UBE3B: variants seen among roughly 807,000 people sequenced by gnomAD.
UBE3B encodes ubiquitin-protein ligase E3B.
In UBE3B, 80 loss-of-function variants were observed where a neutral mutation model predicts 132.3. The ratio of observed to expected loss-of-function variants is 0.60; its 90% CI spans 0.50 to 0.73. UBE3B has a LOEUF of 0.73. UBE3B is among the 30% of genes least tolerant of loss of function. The probability of loss-of-function intolerance (pLI) is 0.00; values close to 1 mark genes in which losing one functional copy is unlikely to be tolerated. For missense variants in UBE3B, 1,196 were observed against 1,362.5 expected (o/e 0.88, Z 1.92); for synonymous variants, 487 against 520.4 (o/e 0.94, Z 0.87).
At chr12:109,510,296 C>T in intron 16 of UBE3B, 48 bp from the exon 17 acceptor site, 2 of 1,478,560 alleles carry the variant, frequency 1.4e-6, no homozygotes, top group Non-Finnish European at 9.3e-7. Context: ...TCCCCTTGCT[C>T]TCTGGCTCTG....
chr12:109,509,831 C>T (rs1279509693), intron 16 of UBE3B, 117 bp downstream of exon 16: 1 of 651,542 alleles, frequency 1.5e-6, no homozygotes, highest in Non-Finnish European at 2.6e-6. Context: ...AGAAGGTGCA[C>T]ATTTATTCCC....
chr12:109,483,925 A>G lies in UBE3B; in HGVS notation c.226A>G (p.Ile76Val). The G allele has an allele frequency of 5.6e-6, 9 of 1,614,048 alleles. No individual in the cohort carries two copies. Among genetic ancestry groups the G allele is most frequent in the Non-Finnish European group, 6.8e-6 (8 of 1,179,962 alleles). Residue 76 changes from isoleucine to valine, a missense_variant, in exon 4 of 28, where the codon ATT (isoleucine) becomes GTT (valine). Transcript: ENST00000342494. The stretch of plus-strand genomic sequence containing the variant: ...GTCCACTAAAAGAAGTGCACTTTGT[A>G]TTTTCAAGATTGCCAGGAAACTGCT... ...PESTKRSALC[I>V]FKIARKLLFL...
intron 17 of UBE3B, 66 bp downstream of exon 17, chr12:109,510,524 C>G (rs1393388371): frequency 1.7e-5 from 22 of 1,313,640 alleles, no homozygotes; most frequent in Non-Finnish European, 2.0e-5. Flanking sequence ...CCCGAGCACT[C>G]AGCTCTCATG....
intron 6 of UBE3B, among the ~76,000 whole-genome samples, chr12:109,487,684 A>G (rs2241215): frequency 0.57 from 86,732 of 152,136 alleles, 25,825 homozygotes; most frequent in African/African-American, 0.73. Context: ...TTTGAGGAGA[A>G]GCTCTTCTAT....
rs1249766192 is a variant in UBE3B, at chr12:109,492,654, G to A, written c.713+1527G>A. 2.0e-5 allele frequency: 3 copies of A among 150,984 alleles called. No individual in the cohort carries two copies. The East Asian group carries it at 5.8e-4, about 29-fold the overall frequency. 9.4% of individuals were successfully genotyped at this position (150,984 alleles called of 1,614,324 possible). A position where few individuals can be genotyped will look rare whatever the true frequency, so the allele number is the denominator to read the frequency against. ...GCTACTCAGGAGTCTGAGGTGGGAG[G>A]ATCACTGGAGCCAGGGAAGTCAAGG... On this transcript the variant is annotated intron_variant, in intron 9 of 27. Transcript: ENST00000342494.
In UBE3B at chr12:109,485,728, A is replaced by G. The variant is rs1376798691; in HGVS notation, c.283-284A>G. 2.6e-5 allele frequency among the ~76,000 whole-genome samples: 4 copies of G among 152,150 alleles called. No homozygotes were observed. The East Asian group carries it at 7.7e-4, about 29-fold the overall frequency. On this transcript the variant is annotated intron_variant, in intron 4 of 27. Transcript: ENST00000342494. ...TCCAAATCCAGTTTGCCAGATTGAT[A>G]CTGTTTTTTGAAAGAAGCCTCAATT... is the stretch of plus-strand genomic sequence containing the variant.
At position 109,529,930 on chromosome 12, in the gene UBE3B, A is replaced by G. The variant is rs746578379; in HGVS notation, c.2668A>G (p.Thr890Ala). 1 of 1,614,152 alleles carries G rather than the reference A, an allele frequency of 6.2e-7. No homozygotes were observed. Reference protein sequence around the residue: ...IHLMAHFRMHTQIKNQTAALI... With the variant: ...IHLMAHFRMHAQIKNQTAALI... ...TCTGATGGCACATTTTCGAATGCAC[A>G]CTCAAATAAAAAACCAAACAGCTGC... The change falls in exon 25 of 28, where the codon ACT becomes GCT. Residue 890 changes from threonine to alanine, a missense_variant. Transcript: ENST00000342494.
chr12:109,498,781 C>CAGA (rs370153925), intron 11 of UBE3B, among the ~76,000 whole-genome samples: 20 of 151,686 alleles, frequency 1.3e-4, no homozygotes, highest in African/African-American at 4.6e-4. Context: ...GGCAGAGGCA[C>CAGA]AGAATTCTCC....
intron 18 of UBE3B, among the ~76,000 whole-genome samples, chr12:109,515,634 G>C (rs1213167649): frequency 6.6e-6 from 1 of 152,190 alleles, no homozygotes; most frequent in Admixed American, 6.5e-5. Flanking sequence ...CTCTCAAAGT[G>C]CTGGGATTAC....
intron 8 of UBE3B, 177 bp downstream of exon 8, chr12:109,490,181 G>A (rs1424247239): frequency 3.5e-5 from 30 of 862,568 alleles, no homozygotes; most frequent in Non-Finnish European, 5.3e-5. Flanking sequence ...TGTGGGTCAG[G>A]TAAAGGGAGG....
At position 109,521,504 on chromosome 12, in the gene UBE3B, C is replaced by T. The variant is rs758351341; in HGVS notation, c.2317C>T (p.Gln773Ter). Reference sequence around the variant, plus strand: ...ATCCTACATCCATGAGAATTACCTGCAGCTCTTCGAGTTTGTGGGGAAGAT... The same window carrying T: ...ATCCTACATCCATGAGAATTACCTGTAGCTCTTCGAGTTTGTGGGGAAGAT... ...PTSYIHENYL[Q>*]LFEFVGKMLG... Residue 773 changes from glutamine (Q) to a stop codon, truncating the protein, a stop_gained, in exon 21 of 28, where the codon CAG becomes TAG. Coordinates refer to ENST00000342494, the MANE Select transcript of UBE3B (RefSeq NM_130466.4). LOFTEE classifies it high-confidence loss of function. This position sits in a 1 kb window ranked among gnomAD's most constrained non-coding sequence, Gnocchi z 4.2. The T allele has an allele frequency of 6.2e-7, 1 of 1,601,798 alleles. No homozygotes were observed. The highest frequency in any genetic ancestry group is 8.5e-7 in the Non-Finnish European group (1 of 1,171,610).
intron 9 of UBE3B, 36 bp downstream of exon 9, chr12:109,491,163 T>C (rs749221416): frequency 1.9e-6 from 3 of 1,593,038 alleles, no homozygotes; most frequent in Non-Finnish European, 2.6e-6. Flanking sequence ...GTTGGCATGT[T>C]CTTGAATGCT....
the UBE3B span, among the ~76,000 whole-genome samples, chr12:109,546,392 A>G: frequency 6.6e-6 from 1 of 152,136 alleles, no homozygotes; most frequent in Non-Finnish European, 1.5e-5. Context: ...CCTCACTTAG[A>G]AAAGAAATGT....
At chr12:109,528,197 C>T (rs1000683438) in intron 24 of UBE3B, 3 of 360,062 alleles carry the variant, frequency 8.3e-6, no homozygotes, top group African/African-American at 6.7e-5. Flanking sequence ...GCCAGTTTCT[C>T]CCTCTTTAGG....
At chr12:109,507,861 G>A (rs1052403054) in intron 15 of UBE3B, 126 bp downstream of exon 15, 1 of 1,116,270 alleles carries the variant, frequency 9.0e-7, no homozygotes, top group Non-Finnish European at 1.3e-6. Context: ...GCAGGGCATT[G>A]TAAGAACTAG....
chr12:109,490,925 A>G (rs769782398), intron 8 of UBE3B, 120 bp from the exon 9 acceptor site: 11 of 1,190,376 alleles, frequency 9.2e-6, no homozygotes, highest in Non-Finnish European at 1.3e-5. Context: ...ACAAGCCACC[A>G]TGCCTGGCTC....
chr12:109,542,457 T>C, the UBE3B span, among the ~76,000 whole-genome samples: 1 of 152,314 alleles, frequency 6.6e-6, no homozygotes, highest in African/African-American at 2.4e-5. Context: ...ATACTATTAA[T>C]CCCGTCCTCA....
chr12:109,512,697 G>C (rs1880529131), intron 18 of UBE3B, among the ~76,000 whole-genome samples: 1 of 151,936 alleles, frequency 6.6e-6, no homozygotes, highest in South Asian at 2.1e-4. Context: ...ATACTGTTCT[G>C]TCCTTGACTT....
intron 14 of UBE3B, among the ~76,000 whole-genome samples, chr12:109,505,264 TG>T (rs1297344132): frequency 6.6e-6 from 1 of 152,224 alleles, no homozygotes; most frequent in African/African-American, 2.4e-5. Flanking sequence ...AGGAAGTGTC[TG>T]TTTGTGCTCC....
Sources: allele counts gnomAD v4.1 joint callset (sites outside exome capture counted in the v4.1 genomes callset), GRCh38; gene constraint gnomAD v4.1.1; non-coding constraint Gnocchi (gnomAD v3.1); transcripts MANE v1.5; gene names NCBI Gene and HGNC (gene_info 2026-07-23, HGNC 2026-07-21).